Variants in FBXW10B observed in about 807,000 individuals in gnomAD.
FBXW10B encodes the protein F-box and WD repeat domain containing protein 10B.
chr17:15,600,233 G>A, the FBXW10B span, among the ~76,000 whole-genome samples: 1 of 143,960 alleles, frequency 6.9e-6, no homozygotes, highest in African/African-American at 2.6e-5. Context: ...AAAAAAAAAT[G>A]TACTTACTTC....
At chr17:15,614,827 GTA>G in the FBXW10B span, among the ~76,000 whole-genome samples, 4 of 152,256 alleles carry the variant, frequency 2.6e-5, no homozygotes, top group African/African-American at 9.6e-5. Flanking sequence ...GATATTTCAT[GTA>G]TATGTCTTGC....
the FBXW10B span, among the ~76,000 whole-genome samples, chr17:15,616,381 G>T: frequency 6.6e-6 from 1 of 151,680 alleles, no homozygotes; most frequent in Non-Finnish European, 1.5e-5. Flanking sequence ...TGTTGGCCAG[G>T]CTGGTCTCGA....
At chr17:15,567,744 T>C in the FBXW10B span, among the ~76,000 whole-genome samples, 1 of 152,192 alleles carries the variant, frequency 6.6e-6, no homozygotes, top group South Asian at 2.1e-4. Flanking sequence ...ATTATGGATA[T>C]AATAATAAGA....
the FBXW10B span, among the ~76,000 whole-genome samples, chr17:15,608,989 C>T: frequency 6.7e-6 from 1 of 150,194 alleles, no homozygotes; most frequent in Non-Finnish European, 1.5e-5. Context: ...CCCTCCTTCC[C>T]TCCCTCCTTT....
chr17:15,579,490 G>T, the FBXW10B span, among the ~76,000 whole-genome samples: 1 of 152,158 alleles, frequency 6.6e-6, no homozygotes, highest in Admixed American at 6.5e-5. Flanking sequence ...AAGCTCCAAT[G>T]TGGGATTTAC....
chr17:15,588,663 T>C, the FBXW10B span: 1 of 594,208 alleles, frequency 1.7e-6, no homozygotes, highest in East Asian at 2.9e-5. Flanking sequence ...CAGCCAGAGC[T>C]CCCACAAACA....
the FBXW10B span, among the ~76,000 whole-genome samples, chr17:15,583,971 G>A: frequency 1.3e-5 from 2 of 152,094 alleles, no homozygotes; most frequent in African/African-American, 4.8e-5. Context: ...CTAGAAGATG[G>A]TGCTCTCATA....
At chr17:15,615,607 C>T in the FBXW10B span, 2 of 1,613,114 alleles carry the variant, frequency 1.2e-6, no homozygotes, top group Non-Finnish European at 1.7e-6. Flanking sequence ...GCCACCGCAC[C>T]TAGCCCATAT....
At chr17:15,578,351 C>T in the FBXW10B span, among the ~76,000 whole-genome samples, 3 of 150,786 alleles carry the variant, frequency 2.0e-5, no homozygotes, top group South Asian at 2.1e-4. Flanking sequence ...TGCACGTGCA[C>T]GCAGCTGCCA....
At chr17:15,597,782 AAC>A in the FBXW10B span, among the ~76,000 whole-genome samples, 1 of 140,050 alleles carries the variant, frequency 7.1e-6, no homozygotes, top group African/African-American at 2.7e-5. Context: ...ATATAACAAC[AAC>A]CAGAGTTGAC....
the FBXW10B span, among the ~76,000 whole-genome samples, chr17:15,608,084 C>G: frequency 6.6e-6 from 1 of 151,842 alleles, no homozygotes; most frequent in Non-Finnish European, 1.5e-5. Context: ...TTACATCTAC[C>G]TGATAGTACA....
chr17:15,600,999 C>T, the FBXW10B span, among the ~76,000 whole-genome samples: 3 of 111,924 alleles, frequency 2.7e-5, no homozygotes, highest in Non-Finnish European at 3.5e-5. Context: ...TACAGTGAGC[C>T]GAGATCGCGT....
At chr17:15,589,092 T>C in the FBXW10B span, 1 of 1,527,320 alleles carries the variant, frequency 6.5e-7, no homozygotes, top group South Asian at 1.1e-5. Flanking sequence ...CTGGTAAGTG[T>C]CCTGCGATGT....
chr17:15,568,262 C>T, the FBXW10B span, among the ~76,000 whole-genome samples: 1 of 152,126 alleles, frequency 6.6e-6, no homozygotes, highest in Admixed American at 6.5e-5. Context: ...CACATGCCAG[C>T]CAGGCATGGT....
the FBXW10B span, among the ~76,000 whole-genome samples, chr17:15,600,404 A>G: frequency 6.7e-6 from 1 of 148,256 alleles, no homozygotes; most frequent in African/African-American, 2.5e-5. Context: ...AGTGCATTGA[A>G]TGATGGCACA....
chr17:15,584,290 C>CA, the FBXW10B span, among the ~76,000 whole-genome samples: 11 of 152,032 alleles, frequency 7.2e-5, no homozygotes, highest in South Asian at 2.3e-3. Context: ...GATGTTGATG[C>CA]AAAAAATATA....
chr17:15,578,440 A>G, the FBXW10B span, among the ~76,000 whole-genome samples: 2 of 151,934 alleles, frequency 1.3e-5, no homozygotes, highest in Non-Finnish European at 2.9e-5. Context: ...AAGCTTTTCA[A>G]AGACTCTTTA....
the FBXW10B span, chr17:15,613,665 T>G: frequency 1.0e-4 from 163 of 1,598,696 alleles, no homozygotes; most frequent in African/African-American, 2.0e-3. Flanking sequence ...GACAAGTCCA[T>G]CTTGACCTGT....
the FBXW10B span, among the ~76,000 whole-genome samples, chr17:15,585,681 T>C: frequency 6.6e-6 from 1 of 152,182 alleles, no homozygotes; most frequent in African/African-American, 2.4e-5. Flanking sequence ...TGGGGAAGCT[T>C]TCTGCTAAAG....
Sources: gnomAD v4.1 joint callset for allele counts (sites outside exome capture counted in the v4.1 genomes callset) on GRCh38, gnomAD v4.1.1 for gene constraint, MANE v1.5 for transcripts, NCBI Gene and HGNC (gene_info 2026-07-23, HGNC 2026-07-21) for gene names.